ATE1: variants seen among roughly 807,000 people sequenced by gnomAD.
ATE1 encodes arginyltransferase 1, also known as arginyl-tRNA--protein transferase 1.
ATE1 carries 36 observed loss-of-function variants against 70.5 expected under a neutral mutation model. That is an observed-to-expected ratio of 0.51 (90% CI 0.39 to 0.67). The LOEUF is 0.67. ATE1 is among the 30% of genes least tolerant of loss of function. The probability of loss-of-function intolerance (pLI) is 0.00; values close to 1 mark genes in which losing one functional copy is unlikely to be tolerated. For missense variants in ATE1, 593 were observed against 629.5 expected (o/e 0.94, Z 0.62); for synonymous variants, 232 against 219.3 (o/e 1.06, Z -0.51).
chr10:121,902,920 C>A (rs1212362814), intron 5 of ATE1, among the ~76,000 whole-genome samples: 1 of 152,060 alleles, frequency 6.6e-6, no homozygotes, highest in Non-Finnish European at 1.5e-5. Context: ...GGCTGGAGTG[C>A]AATGGCATGA....
chr10:121,920,385 T>G (rs914461537), intron 3 of ATE1, among the ~76,000 whole-genome samples: 5 of 151,754 alleles, frequency 3.3e-5, no homozygotes, highest in African/African-American at 1.2e-4. Context: ...AAATGTAATT[T>G]GCCAGGCCTG....
Position 121,809,902 on chromosome 10 carries a change from C to CA in ATE1, c.1258-19614dup, listed in dbSNP as rs377283028. Among the ~76,000 whole-genome samples the CA allele has an allele frequency of 1.9e-3, 263 of 141,084 alleles. 2 individuals are homozygous for CA. The highest frequency in any genetic ancestry group is 0.018 in the East Asian group (89 of 4,850). 92.6% of individuals were successfully genotyped at this position (141,084 alleles called of 152,430 possible). A position where few individuals can be genotyped will look rare whatever the true frequency, so the allele number is the denominator to read the frequency against. On this transcript the variant is annotated intron_variant, in intron 10 of 11. Transcript: ENST00000224652. Reference sequence around the variant, plus strand: ...CCACAAAAAACAAAACAAAACAAAACAAAAAAAAAAACAATGCACCCAGAG... The same window carrying CA: ...CCACAAAAAACAAAACAAAACAAAACAAAAAAAAAAAACAATGCACCCAGAG...
At chr10:121,906,400 G>A (rs1951192789) in intron 5 of ATE1, among the ~76,000 whole-genome samples, 1 of 152,068 alleles carries the variant, frequency 6.6e-6, no homozygotes, top group South Asian at 2.1e-4. Flanking sequence ...GTAGTGACGT[G>A]TACTGGTAGT....
intron 11 of ATE1, among the ~76,000 whole-genome samples, chr10:121,756,031 G>A (rs559733543): frequency 5.3e-5 from 8 of 152,294 alleles, no homozygotes; most frequent in African/African-American, 2.4e-5. Flanking sequence ...AGTCCCTTCT[G>A]CCTATGAGCC....
chr10:121,783,897 C>T (rs925711338), intron 11 of ATE1, among the ~76,000 whole-genome samples: 8 of 150,076 alleles, frequency 5.3e-5, no homozygotes, highest in Non-Finnish European at 7.4e-5. Context: ...TTTTTTTTTT[C>T]GGTTTTGAGA....
intron 8 of ATE1, among the ~76,000 whole-genome samples, chr10:121,864,625 T>C (rs1460701008): frequency 6.6e-6 from 1 of 152,232 alleles, no homozygotes; most frequent in Non-Finnish European, 1.5e-5. Flanking sequence ...TGAATTTAAG[T>C]GGGCCATCTT....
chr10:121,924,836 A>G (rs1038582967), intron 1 of ATE1, among the ~76,000 whole-genome samples: 1 of 141,342 alleles, frequency 7.1e-6, no homozygotes, highest in Non-Finnish European at 1.5e-5. Context: ...CACTATATAT[A>G]TTTTCATTCA....
intron 3 of ATE1, among the ~76,000 whole-genome samples, chr10:121,920,374 A>T (rs1037135159): frequency 3.9e-5 from 6 of 152,044 alleles, no homozygotes; most frequent in Non-Finnish European, 8.8e-5. Flanking sequence ...TCTATAAAAA[A>T]AAATGTAATT....
In ATE1 at chr10:121,741,134, G is replaced by A. The variant is rs1304049895; in HGVS notation, c.*2546C>T. On this transcript the variant is annotated 3_prime_UTR_variant, in exon 12 of 12. Transcript: ENST00000224652. Reference sequence around the variant, plus strand: ...TAAACTGTCTTTGAAAAGTCCTTGTGTCTTTCTTTACAGAAAGTTACGAAC... The same window carrying A: ...TAAACTGTCTTTGAAAAGTCCTTGTATCTTTCTTTACAGAAAGTTACGAAC... 1 of 152,204 alleles carries A rather than the reference G, an allele frequency of 6.6e-6. No homozygotes were observed. Among genetic ancestry groups the A allele is most frequent in the Admixed American group, 6.5e-5 (1 of 15,282 alleles). The allele number at this position is 152,204 out of a possible 1,614,324, so 9.4% of individuals were successfully genotyped here.
intron 1 of ATE1, chr10:121,926,977 A>C: frequency 1.0e-6 from 1 of 985,430 alleles, no homozygotes; most frequent in African/African-American, 1.7e-5. Flanking sequence ...TTATCGACCA[A>C]ATCATTCCCC....
intron 8 of ATE1, among the ~76,000 whole-genome samples, chr10:121,846,052 T>C (rs190611187): frequency 7.0e-6 from 1 of 142,484 alleles, no homozygotes; most frequent in East Asian, 2.1e-4. Context: ...CAAGGAGAAA[T>C]AGCTGATTCC....
chr10:121,909,693 A>T (rs1035060988), intron 5 of ATE1, among the ~76,000 whole-genome samples: 1 of 152,208 alleles, frequency 6.6e-6, no homozygotes, highest in Non-Finnish European at 1.5e-5. Flanking sequence ...AAATAATAAA[A>T]GAATTGACCC....
rs778367799 is a variant in ATE1 at position 121,927,930 on chromosome 10, C to G, written c.20G>C (p.Gly7Ala). ...GAAATAGTCCACGACGCTGGGCGAA[C>G]CCCCCGCCCAGAAAGCCATGGCCTC... is the stretch of plus-strand genomic sequence containing the variant. MAFWAG[G>A]SPSVVDYFPS... Residue 7 changes from glycine to alanine, a missense_variant, in exon 1 of 12, where the codon GGT becomes GCT. Physicochemically the swap from Gly to Ala is moderately conservative, Grantham distance 60. This residue lies in a region of ATE1 where 467 missense variants were observed against 469.6 expected (regional missense o/e 0.99). Coordinates refer to ENST00000224652, the MANE Select transcript of ATE1 (RefSeq NM_001001976.3). The G allele has an allele frequency of 3.2e-6, 5 of 1,571,586 alleles. No homozygotes were observed. The African/African-American group carries it at 7.1e-5, about 22-fold the overall frequency.
At chr10:121,895,740 G>A (rs957605715) in intron 7 of ATE1, among the ~76,000 whole-genome samples, 5 of 152,084 alleles carry the variant, frequency 3.3e-5, no homozygotes, top group African/African-American at 1.2e-4. Context: ...CCTGGCCAAT[G>A]TGGCAAAATC....
intron 8 of ATE1, among the ~76,000 whole-genome samples, chr10:121,857,182 A>T (rs1237686792): frequency 6.6e-6 from 1 of 152,186 alleles, no homozygotes; most frequent in Non-Finnish European, 1.5e-5. Flanking sequence ...GTTGTATGAT[A>T]CTAAGGTTTG....
At chr10:121,830,527 CT>C (rs772313494) in intron 10 of ATE1, among the ~76,000 whole-genome samples, 1 of 152,256 alleles carries the variant, frequency 6.6e-6, no homozygotes, top group Admixed American at 6.5e-5. Flanking sequence ...AAATAAAACT[CT>C]TTTCTTTATA....
At chr10:121,833,644 A>G (rs115127406) in intron 10 of ATE1, among the ~76,000 whole-genome samples, 2,131 of 151,816 alleles carry the variant, frequency 0.014, 43 homozygotes, top group African/African-American at 0.049. Context: ...AGGGAAGGGG[A>G]AAAAAAACGA....
At chr10:121,810,609 A>G (rs1337959115) in intron 10 of ATE1, among the ~76,000 whole-genome samples, 1 of 152,140 alleles carries the variant, frequency 6.6e-6, no homozygotes, top group Non-Finnish European at 1.5e-5. Context: ...CTTCTGGAAT[A>G]TTACATATGA....
At chr10:121,858,347 AT>A (rs564135711) in intron 8 of ATE1, among the ~76,000 whole-genome samples, 79 of 149,908 alleles carry the variant, frequency 5.3e-4, no homozygotes, top group East Asian at 1.8e-3. Context: ...ACCGTTTTCC[AT>A]TTTTTTTTTA....
Sources: allele counts gnomAD v4.1 joint callset (sites outside exome capture counted in the v4.1 genomes callset), GRCh38; gene constraint gnomAD v4.1.1; regional missense constraint gnomAD v4.1.1; transcripts MANE v1.5; gene names NCBI Gene and HGNC (gene_info 2026-07-23, HGNC 2026-07-21).